The following TACR1 variants were observed in gnomAD, a reference collection of about 807,000 sequenced individuals.
The protein encoded by TACR1 is tachykinin receptor 1, also known as substance-P receptor.
In TACR1, 25 loss-of-function variants were observed where a neutral mutation model predicts 35.8. The observed-to-expected ratio is 0.70, with a 90% CI of 0.51 to 0.98. The LOEUF is 0.98. TACR1 is among the 50% of genes least tolerant of loss of function. The pLI, the probability that TACR1 is intolerant of heterozygous loss-of-function variation, is 0.00. For synonymous variants in TACR1, 195 were observed against 206.7 expected, an observed-to-expected ratio of 0.94 and a Z score of 0.48; for missense variants, 478 against 522.9, an observed-to-expected ratio of 0.91 and a Z score of 0.84.
intron 1 of TACR1, among the ~76,000 whole-genome samples, chr2:75,178,978 G>A (rs1018577010): frequency 1.3e-5 from 2 of 152,064 alleles, no homozygotes; most frequent in East Asian, 1.9e-4. Context: ...TTAGTTATAT[G>A]TCAATAAGTC....
At chr2:75,085,772 G>T (rs1264868641) in intron 2 of TACR1, among the ~76,000 whole-genome samples, 2 of 152,064 alleles carry the variant, frequency 1.3e-5, no homozygotes. Flanking sequence ...CTTCCCTGGG[G>T]TTAAATTCCC....
chr2:75,068,509 C>A (rs1343422693), intron 2 of TACR1, among the ~76,000 whole-genome samples: 1 of 152,156 alleles, frequency 6.6e-6, no homozygotes, highest in African/African-American at 2.4e-5. Flanking sequence ...GATTTGGAAG[C>A]ATTCTAGTAA....
intron 2 of TACR1, among the ~76,000 whole-genome samples, chr2:75,095,545 G>A (rs777868668): frequency 1.4e-4 from 22 of 152,270 alleles, no homozygotes; most frequent in Non-Finnish European, 2.6e-4. Context: ...GCACTGGCAC[G>A]AATGGATCAG....
intron 1 of TACR1, among the ~76,000 whole-genome samples, chr2:75,192,699 T>G (rs1675878358): frequency 6.6e-6 from 1 of 152,136 alleles, no homozygotes; most frequent in South Asian, 2.1e-4. Flanking sequence ...GCAAATTGCA[T>G]GGGTCTTCAA....
intron 1 of TACR1, among the ~76,000 whole-genome samples, chr2:75,165,229 C>T (rs1295805914): frequency 1.3e-5 from 2 of 152,248 alleles, no homozygotes; most frequent in Non-Finnish European, 2.9e-5. Flanking sequence ...GATCTGCTCA[C>T]TACAACCTCC....
At chr2:75,066,739 C>A (rs1268855003) in intron 2 of TACR1, among the ~76,000 whole-genome samples, 1 of 152,212 alleles carries the variant, frequency 6.6e-6, no homozygotes, top group Admixed American at 6.5e-5. Context: ...ACCATTATGC[C>A]ATGAGGCACA....
intron 2 of TACR1, among the ~76,000 whole-genome samples, chr2:75,091,226 A>G (rs958796613): frequency 2.7e-5 from 4 of 146,364 alleles, no homozygotes; most frequent in African/African-American, 1.0e-4. Flanking sequence ...AAAAAAAAAA[A>G]TCTCCCCTGA....
intron 1 of TACR1, among the ~76,000 whole-genome samples, chr2:75,153,309 C>G (rs1674716182): frequency 6.6e-6 from 1 of 152,172 alleles, no homozygotes; most frequent in Non-Finnish European, 1.5e-5. Flanking sequence ...CAAGAAAGCA[C>G]AGGAATTGTC....
intron 1 of TACR1, among the ~76,000 whole-genome samples, chr2:75,126,237 G>T (rs558197028): frequency 1.3e-5 from 2 of 151,972 alleles, no homozygotes; most frequent in Admixed American, 1.3e-4. Context: ...TCATGTTCCC[G>T]TAAAATACAC....
At chr2:75,094,859 A>ATTTTTTTTTTTTTTTTTTTT (rs58283121) in intron 2 of TACR1, among the ~76,000 whole-genome samples, 1 of 113,134 alleles carries the variant, frequency 8.8e-6, no homozygotes, top group African/African-American at 4.8e-5. Flanking sequence ...ATATATATAT[A>ATTTTTTTTTTTTTTTTTTTT]TTTTTTTTTT....
At chr2:75,064,319 C>T (rs6750589) in intron 2 of TACR1, among the ~76,000 whole-genome samples, 11,128 of 152,038 alleles carry the variant, frequency 0.073, 1,172 homozygotes, top group African/African-American at 0.23. Flanking sequence ...TGGGTAGATA[C>T]GTTAAGAAAA....
intron 2 of TACR1, among the ~76,000 whole-genome samples, chr2:75,072,578 C>T (rs1015915593): frequency 3.9e-5 from 6 of 152,220 alleles, no homozygotes; most frequent in Non-Finnish European, 7.3e-5. Context: ...TTAGTAGGGT[C>T]GCAGATCACA....
intron 1 of TACR1, among the ~76,000 whole-genome samples, chr2:75,149,402 C>T (rs571578480): frequency 6.6e-6 from 1 of 152,104 alleles, no homozygotes; most frequent in Non-Finnish European, 1.5e-5. Flanking sequence ...TTGTTTGTGT[C>T]CTCTCATTTC....
At chr2:75,123,401 G>A (rs1163981307) in intron 1 of TACR1, among the ~76,000 whole-genome samples, 3 of 152,120 alleles carry the variant, frequency 2.0e-5, no homozygotes, top group African/African-American at 4.8e-5. Flanking sequence ...TCGAATTGGC[G>A]ATACACCATT....
chr2:75,191,057 C>T (rs1468605342), intron 1 of TACR1, among the ~76,000 whole-genome samples: 1 of 152,178 alleles, frequency 6.6e-6, no homozygotes, highest in East Asian at 1.9e-4. Context: ...CATCATAAAG[C>T]ACCTCTTCAT....
intron 2 of TACR1, among the ~76,000 whole-genome samples, chr2:75,067,459 G>T (rs1672786318): frequency 6.6e-6 from 1 of 152,138 alleles, no homozygotes; most frequent in South Asian, 2.1e-4. Context: ...TGTACTAGGT[G>T]CTGAGGATAT....
At chr2:75,087,946 A>C (rs1434714315) in intron 2 of TACR1, among the ~76,000 whole-genome samples, 2 of 152,184 alleles carry the variant, frequency 1.3e-5, no homozygotes, top group Non-Finnish European at 2.9e-5. Flanking sequence ...CTCCAGTGGC[A>C]GGCATGAAGG....
At chr2:75,142,374 C>T (rs529966802) in intron 1 of TACR1, among the ~76,000 whole-genome samples, 1 of 152,302 alleles carries the variant, frequency 6.6e-6, no homozygotes, top group South Asian at 2.1e-4. Context: ...GCAGAAGGTT[C>T]GCAGTAAGTT....
Position 75,053,772 on chromosome 2 carries a change from A to G in TACR1, c.585-17T>C, listed in dbSNP as rs897855886. The G allele has an allele frequency of 5.6e-6, 9 of 1,614,164 alleles. No individual in the cohort carries two copies. The Admixed American group carries it at 8.3e-5, about 15-fold the overall frequency. ...ATGTGGTACCTACAGCAAGGTAAAC[A>G]GGAAAGGTCAGTATGATATACTTAT... On this transcript the variant is annotated splice_polypyrimidine_tract_variant and intron_variant, in intron 2 of 4. Transcript: ENST00000305249.
Sources: gnomAD v4.1 joint callset for allele counts (sites outside exome capture counted in the v4.1 genomes callset) on GRCh38, gnomAD v4.1.1 for gene constraint, MANE v1.5 for transcripts, NCBI Gene and HGNC (gene_info 2026-07-23, HGNC 2026-07-21) for gene names.